Variants in FOCAD observed in about 807,000 individuals in gnomAD.
FOCAD encodes focadhesin, also known as KIAA1797.
In FOCAD, 198 loss-of-function variants were observed where a neutral mutation model predicts 225.6. That is an observed-to-expected ratio of 0.88 (90% CI 0.78 to 0.99). The LOEUF (loss-of-function observed/expected upper bound fraction) is 0.99. FOCAD is among the 50% of genes least tolerant of loss of function. The pLI, the probability that FOCAD is intolerant of heterozygous loss-of-function variation, is 0.00. For synonymous variants in FOCAD, 897 were observed against 755.0 expected, an observed-to-expected ratio of 1.19 and a Z score of -3.08; for missense variants, 2,713 against 2,123.6, an observed-to-expected ratio of 1.28 and a Z score of -5.46.
At position 20,897,924 on chromosome 9, in the gene FOCAD, G is replaced by A. The variant is rs534570151; in HGVS notation, c.2626-9226G>A. Among the ~76,000 whole-genome samples the A allele has an allele frequency of 1.9e-3, 281 of 151,884 alleles. 1 individual carries two copies. The highest frequency in any genetic ancestry group is 0.017 in the Middle Eastern group (5 of 294). ...TTTAAACATTTCCTGCAAGGGAAAT[G>A]TACGGGTAACAGATTTTCTCAAATT... On this transcript the variant is annotated intron_variant, in intron 21 of 43. Transcript: ENST00000338382.
chr9:20,856,648 C>G (rs917991139), intron 15 of FOCAD, among the ~76,000 whole-genome samples: 2 of 151,816 alleles, frequency 1.3e-5, no homozygotes, highest in Non-Finnish European at 2.9e-5. Context: ...GGAGGTATTA[C>G]TCAAGAAATC....
intron 2 of FOCAD, among the ~76,000 whole-genome samples, chr9:20,674,221 A>T (rs116874874): frequency 0.037 from 5,687 of 152,166 alleles, 133 homozygotes; most frequent in Middle Eastern, 0.11. Context: ...TAAGCTTATT[A>T]CTTCTGAATT....
At chr9:20,925,291 A>G (rs1343882170) in intron 25 of FOCAD, among the ~76,000 whole-genome samples, 1 of 152,152 alleles carries the variant, frequency 6.6e-6, no homozygotes, top group Non-Finnish European at 1.5e-5. Context: ...CCTTTCTATG[A>G]TCCCTTCACT....
At chr9:20,974,323 T>A (rs1840042619) in intron 35 of FOCAD, among the ~76,000 whole-genome samples, 1 of 131,094 alleles carries the variant, frequency 7.6e-6, no homozygotes, top group South Asian at 2.6e-4. Context: ...CTGCTTCTCC[T>A]TTGTCCTATG....
chr9:20,757,734 C>T (rs1829185201), intron 5 of FOCAD, among the ~76,000 whole-genome samples: 1 of 152,018 alleles, frequency 6.6e-6, no homozygotes, highest in African/African-American at 2.4e-5. Flanking sequence ...GAGGAGGTGG[C>T]TTGTAACCTC....
chr9:20,719,042 C>G (rs1365596394), intron 3 of FOCAD, among the ~76,000 whole-genome samples: 1 of 151,970 alleles, frequency 6.6e-6, no homozygotes, highest in African/African-American at 2.4e-5. Flanking sequence ...AGATTCTTAG[C>G]CAGCTACAGA....
chr9:20,847,978 G>A (rs1316014358), intron 15 of FOCAD, among the ~76,000 whole-genome samples: 6 of 152,008 alleles, frequency 3.9e-5, no homozygotes, highest in Non-Finnish European at 7.4e-5. Context: ...TGTGACTCAA[G>A]TATTCTATGT....
intron 11 of FOCAD, among the ~76,000 whole-genome samples, chr9:20,790,089 C>A (rs556403767): frequency 7.9e-5 from 12 of 152,108 alleles, no homozygotes; most frequent in African/African-American, 2.9e-4. Context: ...AATATTGACT[C>A]TTTGCTATAT....
At chr9:20,669,430 T>C (rs1038258175) in intron 2 of FOCAD, among the ~76,000 whole-genome samples, 5 of 152,162 alleles carry the variant, frequency 3.3e-5, no homozygotes, top group Admixed American at 2.6e-4. Context: ...CAGAAACTTA[T>C]CCTCGTCAAG....
intron 10 of FOCAD, among the ~76,000 whole-genome samples, chr9:20,785,908 G>A (rs939154054): frequency 1.3e-5 from 2 of 152,106 alleles, no homozygotes; most frequent in African/African-American, 4.8e-5. Context: ...CCCTGTCCTC[G>A]ACAATTGTTG....
intron 9 of FOCAD, among the ~76,000 whole-genome samples, chr9:20,780,567 A>T (rs11795090): frequency 0.27 from 41,570 of 151,984 alleles, 6,665 homozygotes; most frequent in Non-Finnish European, 0.35. Flanking sequence ...GGGAAAGAGT[A>T]TTCAAAGAAA....
chr9:20,958,453 G>A (rs896543498), intron 35 of FOCAD, among the ~76,000 whole-genome samples: 7 of 151,960 alleles, frequency 4.6e-5, no homozygotes, highest in Non-Finnish European at 1.0e-4. Flanking sequence ...AGTACATAGA[G>A]ATGTTCTGAT....
chr9:20,833,930 G>T (rs1825747022), intron 15 of FOCAD, among the ~76,000 whole-genome samples: 1 of 152,012 alleles, frequency 6.6e-6, no homozygotes, highest in Non-Finnish European at 1.5e-5. Context: ...AAAGCATTAT[G>T]CAGTTTCTTA....
At chr9:20,954,086 G>T (rs1168458884) in intron 35 of FOCAD, among the ~76,000 whole-genome samples, 2 of 152,032 alleles carry the variant, frequency 1.3e-5, no homozygotes, top group Non-Finnish European at 2.9e-5. Flanking sequence ...TGGAGTTCTA[G>T]AATTTGTGCT....
intron 11 of FOCAD, among the ~76,000 whole-genome samples, chr9:20,801,382 G>A (rs916461295): frequency 2.0e-5 from 3 of 152,244 alleles, no homozygotes; most frequent in African/African-American, 4.8e-5. Flanking sequence ...AAAATTATGT[G>A]TGTAATTAGG....
chr9:20,711,894 A>G (rs1204041925), intron 1 of FOCAD, among the ~76,000 whole-genome samples: 2 of 152,210 alleles, frequency 1.3e-5, no homozygotes, highest in African/African-American at 4.8e-5. Context: ...ATAGCACTCG[A>G]GGAGCAGAGT....
intron 5 of FOCAD, among the ~76,000 whole-genome samples, chr9:20,749,915 C>T (rs991137361): frequency 1.3e-5 from 2 of 152,118 alleles, no homozygotes; most frequent in Non-Finnish European, 2.9e-5. Context: ...AATCCAGTTA[C>T]AGATTTTATC....
chr9:20,919,242 G>A (rs936972989), intron 24 of FOCAD, among the ~76,000 whole-genome samples: 2 of 152,082 alleles, frequency 1.3e-5, no homozygotes, highest in Non-Finnish European at 2.9e-5. Flanking sequence ...AAATACCTAG[G>A]AATCCAACTT....
At chr9:20,986,266 A>ATTTTTTTTTTTTTGTTTTTTT in intron 39 of FOCAD, 22 bp from the exon 40 acceptor site, 2 of 705,686 alleles carry the variant, frequency 2.8e-6, no homozygotes, top group Non-Finnish European at 3.6e-6. Flanking sequence ...TAACTAAACA[A>ATTTTTTTTTTTTTGTTTTTTT]TTTTTTTTTT....
Sources: gnomAD v4.1 joint callset for allele counts (sites outside exome capture counted in the v4.1 genomes callset) on GRCh38, gnomAD v4.1.1 for gene constraint, MANE v1.5 for transcripts, NCBI Gene and HGNC (gene_info 2026-07-23, HGNC 2026-07-21) for gene names.